The following CREB5 variants were observed in gnomAD, a reference collection of about 807,000 sequenced individuals.
The protein encoded by CREB5 is cAMP responsive element binding protein 5.
CREB5 carries 19 observed loss-of-function variants against 57.1 expected under a neutral mutation model. The observed-to-expected ratio is 0.33, with a 90% CI of 0.23 to 0.49. CREB5 has a LOEUF of 0.49. CREB5 is among the 20% of genes least tolerant of loss of function. CREB5 has a pLI of 0.99. For synonymous variants in CREB5, 238 were observed against 238.3 expected (o/e 1.00, Z 0.01); for missense variants, 579 against 671.6 (o/e 0.86, Z 1.52).
chr7:28,527,316 C>T (rs1030988559), intron 4 of CREB5, among the ~76,000 whole-genome samples: 4 of 152,220 alleles, frequency 2.6e-5, no homozygotes, highest in African/African-American at 9.7e-5. Flanking sequence ...CTGCTTTTAT[C>T]TCAGTGCTTA....
chr7:28,635,752 C>T (rs987182346), intron 5 of CREB5, among the ~76,000 whole-genome samples: 1 of 152,190 alleles, frequency 6.6e-6, no homozygotes, highest in African/African-American at 2.4e-5. Flanking sequence ...TTGACCTTTT[C>T]ATTCATTTAC....
intron 4 of CREB5, among the ~76,000 whole-genome samples, chr7:28,560,831 C>CGTGTGCGTGCGTGCGCGT (rs1562797049): frequency 5.1e-5 from 3 of 58,896 alleles, no homozygotes; most frequent in Non-Finnish European, 1.0e-4. Context: ...TGCGCGCGCG[C>CGTGTGCGTGCGTGCGCGT]GCGTGTGTGT....
At chr7:28,373,574 C>T (rs1040169705) in intron 1 of CREB5, among the ~76,000 whole-genome samples, 1 of 151,500 alleles carries the variant, frequency 6.6e-6, no homozygotes, top group Non-Finnish European at 1.5e-5. Context: ...TAGGCACATG[C>T]TACCATGCCC....
chr7:28,814,995 GCA>G (rs1809342440), intron 9 of CREB5, among the ~76,000 whole-genome samples: 1 of 152,202 alleles, frequency 6.6e-6, no homozygotes, highest in Non-Finnish European at 1.5e-5. Flanking sequence ...GTCCTGCCAG[GCA>G]CAGTGGCTCA....
chr7:28,347,132 A>G (rs1043912777), intron 1 of CREB5, among the ~76,000 whole-genome samples: 4 of 152,248 alleles, frequency 2.6e-5, no homozygotes, highest in Non-Finnish European at 4.4e-5. Flanking sequence ...TGCCATAAAA[A>G]TATTCAAACA....
At chr7:28,686,133 A>T (rs1209072770) in intron 5 of CREB5, 1 of 1,613,264 alleles carries the variant, frequency 6.2e-7, no homozygotes, top group Non-Finnish European at 8.5e-7. Flanking sequence ...TTCTACACAC[A>T]CTCATTCCAG....
intron 5 of CREB5, among the ~76,000 whole-genome samples, chr7:28,589,422 C>T (rs1275402841): frequency 6.6e-6 from 1 of 152,102 alleles, no homozygotes; most frequent in Admixed American, 6.5e-5. Context: ...AGTGTGGTGG[C>T]AGGTGCCTGT....
chr7:28,563,787 T>C (rs216747), intron 4 of CREB5, among the ~76,000 whole-genome samples: 137,213 of 152,182 alleles, frequency 0.9, 62,070 homozygotes, highest in African/African-American at 0.97. Flanking sequence ...AAGAGGTGAC[T>C]TGAGATGGTT....
chr7:28,459,424 G>C (rs972029934), intron 1 of CREB5, among the ~76,000 whole-genome samples: 5 of 152,168 alleles, frequency 3.3e-5, no homozygotes, highest in Non-Finnish European at 7.3e-5. Flanking sequence ...AGTGAGGCTC[G>C]TTGTCAGATT....
intron 3 of CREB5, among the ~76,000 whole-genome samples, chr7:28,502,159 A>G (rs1332586496): frequency 6.6e-6 from 1 of 152,190 alleles, no homozygotes; most frequent in South Asian, 2.1e-4. Context: ...AGAGACTCCT[A>G]TTATATATTC....
intron 1 of CREB5, among the ~76,000 whole-genome samples, chr7:28,451,238 A>G (rs1012518929): frequency 2.0e-5 from 3 of 152,142 alleles, no homozygotes; most frequent in African/African-American, 7.2e-5. Context: ...TTGTGCATTC[A>G]TTGCAATAAC....
At chr7:28,423,369 C>T (rs529492050) in intron 1 of CREB5, among the ~76,000 whole-genome samples, 77 of 152,212 alleles carry the variant, frequency 5.1e-4, no homozygotes, top group African/African-American at 1.8e-3. Context: ...AGAACTTGTA[C>T]CAGGTAAGTC....
chr7:28,558,181 TTC>T (rs1206281827), intron 4 of CREB5, among the ~76,000 whole-genome samples: 1 of 152,206 alleles, frequency 6.6e-6, no homozygotes, highest in Non-Finnish European at 1.5e-5. Flanking sequence ...CTCACTGAGT[TTC>T]TCTGTTGCAT....
chr7:28,560,885 T>TGTGGGCGTGC (rs1365184678), intron 4 of CREB5, among the ~76,000 whole-genome samples: 2 of 26,490 alleles, frequency 7.6e-5, no homozygotes, highest in Non-Finnish European at 1.5e-4. Flanking sequence ...CGTGCGTGCG[T>TGTGGGCGTGC]GCGTGTGTGT....
chr7:28,304,528 T>C (rs1484829439), intron 1 of CREB5, among the ~76,000 whole-genome samples: 1 of 152,216 alleles, frequency 6.6e-6, no homozygotes, highest in Non-Finnish European at 1.5e-5. Context: ...GTTGATTCTT[T>C]TCTGGAGTAC....
intron 7 of CREB5, among the ~76,000 whole-genome samples, chr7:28,747,938 C>CCCTTCTAG (rs1286527594): frequency 6.6e-6 from 1 of 152,092 alleles, no homozygotes; most frequent in Non-Finnish European, 1.5e-5. Context: ...CCTTAACAGG[C>CCCTTCTAG]CCTTCTAGAA....
At chr7:28,452,521 T>C (rs1789873980) in intron 1 of CREB5, among the ~76,000 whole-genome samples, 1 of 152,182 alleles carries the variant, frequency 6.6e-6, no homozygotes, top group African/African-American at 2.4e-5. Context: ...CGTTTAACTA[T>C]AAAGACTTGA....
chr7:28,625,150 G>A (rs1320965921), intron 5 of CREB5, among the ~76,000 whole-genome samples: 1 of 152,186 alleles, frequency 6.6e-6, no homozygotes, highest in Non-Finnish European at 1.5e-5. Context: ...GCTTAGGGAA[G>A]TTAAGCAACT....
chr7:28,579,053 G>A (rs967292563), intron 5 of CREB5, among the ~76,000 whole-genome samples: 5 of 152,186 alleles, frequency 3.3e-5, no homozygotes, highest in African/African-American at 1.2e-4. Context: ...CAAGGCTGGT[G>A]ACTCTGACTG....
Sources: allele counts gnomAD v4.1 joint callset (sites outside exome capture counted in the v4.1 genomes callset), GRCh38; gene constraint gnomAD v4.1.1; transcripts MANE v1.5; gene names NCBI Gene and HGNC (gene_info 2026-07-23, HGNC 2026-07-21).